Variants in DTNA observed in about 807,000 individuals in gnomAD.
DTNA encodes dystrophin-related protein 3.
A neutral mutation model predicts 100.7 loss-of-function variants in DTNA; 43 were observed. The observed-to-expected ratio is 0.43, with a 90% CI of 0.33 to 0.55. DTNA has a LOEUF of 0.55. Ranked by LOEUF, DTNA falls within the 20% of genes least tolerant of loss-of-function variation. The pLI is 0.04. For missense variants in DTNA, 798 were observed against 953.9 expected, an observed-to-expected ratio of 0.84 and a Z score of 2.15; for synonymous variants, 349 against 347.9, an observed-to-expected ratio of 1.00 and a Z score of -0.04.
At position 34,769,725 on chromosome 18, in the gene DTNA, C is replaced by CTTTTTTTTTTTTTTTTTTTTTT. The variant is rs61242937; in HGVS notation, c.148+3699_148+3700insTTTTTTTTTTTTTTTTTTTTTT. On this transcript the variant is annotated intron_variant, in intron 3 of 22. Coordinates refer to ENST00000444659, the MANE Select transcript of DTNA (RefSeq NM_001386795.1). The stretch of plus-strand genomic sequence containing the variant: ...GAAGAAGCAAGGCAGCCCTCTGGGG[C>CTTTTTTTTTTTTTTTTTTTTTT]TTTTTTTTTTTTTTTGACAGAGTTT... 7.1e-4 allele frequency among the ~76,000 whole-genome samples: 38 copies of CTTTTTTTTTTTTTTTTTTTTTT among 53,872 alleles called. 8 individuals carry two copies. The highest frequency in any genetic ancestry group is 1.2e-3 in the Admixed American group (4 of 3,300). The allele number at this position is 53,872 out of a possible 152,430, so 35.3% of individuals were successfully genotyped here. A position where few individuals can be genotyped will look rare whatever the true frequency, so the allele number is the denominator to read the frequency against.
At chr18:34,732,277 G>A (rs908978155) in intron 1 of DTNA, among the ~76,000 whole-genome samples, 1 of 152,096 alleles carries the variant, frequency 6.6e-6, no homozygotes, top group Non-Finnish European at 1.5e-5. Context: ...TAACTTTAGT[G>A]TTATAGCTTT....
At chr18:34,578,062 G>T (rs1469460378) in intron 1 of DTNA, among the ~76,000 whole-genome samples, 2 of 151,308 alleles carry the variant, frequency 1.3e-5, no homozygotes, top group Non-Finnish European at 2.9e-5. Context: ...CATAGTGGTT[G>T]TACTAGTTTA....
At chr18:34,660,748 C>G (rs2075069966) in intron 1 of DTNA, among the ~76,000 whole-genome samples, 1 of 152,148 alleles carries the variant, frequency 6.6e-6, no homozygotes, top group Admixed American at 6.6e-5. Flanking sequence ...GGTCTTTAGA[C>G]AATAACTTAA....
chr18:34,649,602 G>GA (rs1225141168), intron 1 of DTNA, among the ~76,000 whole-genome samples: 9 of 152,046 alleles, frequency 5.9e-5, no homozygotes, highest in African/African-American at 2.2e-4. Context: ...GCATTCTGGA[G>GA]AAAAAAATTG....
At chr18:34,825,909 T>C (rs2095849130) in intron 9 of DTNA, among the ~76,000 whole-genome samples, 1 of 152,168 alleles carries the variant, frequency 6.6e-6, no homozygotes, top group Non-Finnish European at 1.5e-5. Context: ...TGTTTTAAAA[T>C]CTAACAGACC....
At chr18:34,690,412 C>A (rs1175424007) in intron 1 of DTNA, among the ~76,000 whole-genome samples, 1 of 152,196 alleles carries the variant, frequency 6.6e-6, no homozygotes, top group African/African-American at 2.4e-5. Flanking sequence ...CTTGCGCTTC[C>A]CGGGTGAGGC....
intron 1 of DTNA, among the ~76,000 whole-genome samples, chr18:34,674,181 G>A (rs1234212930): frequency 6.6e-6 from 1 of 152,176 alleles, no homozygotes; most frequent in African/African-American, 2.4e-5. Flanking sequence ...CTTTCCTTGG[G>A]GCCCAGAATC....
intron 1 of DTNA, among the ~76,000 whole-genome samples, chr18:34,626,971 G>C (rs547205127): frequency 2.6e-5 from 4 of 152,232 alleles, no homozygotes; most frequent in Admixed American, 1.3e-4. Context: ...CATGCTCCTG[G>C]AGTCACATTA....
rs150254745 is a variant in DTNA at position 34,890,081 on chromosome 18, G to A, written c.*2347G>A. The A allele has an allele frequency of 5.1e-5, 70 of 1,374,390 alleles. No individual in the cohort carries two copies. The highest frequency in any genetic ancestry group is 6.4e-5 in the Non-Finnish European group (68 of 1,067,040). 85.1% of individuals were successfully genotyped at this position (1,374,390 alleles called of 1,614,324 possible). On this transcript the variant is annotated 3_prime_UTR_variant, in exon 23 of 23. Coordinates refer to ENST00000444659, the MANE Select transcript of DTNA (RefSeq NM_001386795.1). ...GTGGCACTCCACCACTGACTGGACC[G>A]AGCTGGCATATGTTGTTTCTTTGTG...
rs181062400 is a variant in DTNA, at chr18:34,844,733, G to A, written c.1347-3563G>A. ...TATATGCTATATGCTTTGGATCACA[G>A]TATTTTCTGGTTGACTACCCTAACT... On this transcript the variant is annotated intron_variant, in intron 13 of 22. Coordinates refer to ENST00000444659, the MANE Select transcript of DTNA (RefSeq NM_001386795.1). Among the ~76,000 whole-genome samples the A allele has an allele frequency of 5.9e-5, 9 of 152,248 alleles. No individual in the cohort carries two copies. The South Asian group carries it at 1.0e-3, about 18-fold the overall frequency.
rs2093332425 is a variant in DTNA at position 34,763,880 on chromosome 18, C to G, written c.68-2081C>G. 2.6e-5 allele frequency among the ~76,000 whole-genome samples: 4 copies of G among 152,128 alleles called. No individual in the cohort carries two copies. The South Asian group carries it at 8.3e-4, about 32-fold the overall frequency. On this transcript the variant is annotated intron_variant, in intron 2 of 22. Transcript: ENST00000444659. ...TGGCTGTGGAGTTGAACATCTTTTA[C>G]CCTAAAAAAAGTCAAGGAGAAGCTA... is the stretch of plus-strand genomic sequence containing the variant.
intron 1 of DTNA, among the ~76,000 whole-genome samples, chr18:34,719,107 C>T (rs2084702581): frequency 1.3e-5 from 2 of 152,054 alleles, no homozygotes; most frequent in South Asian, 4.2e-4. Context: ...GTGGGTGGAT[C>T]ACCTGAGGTC....
chr18:34,683,692 C>G (rs1471491209), intron 1 of DTNA: 1 of 152,144 alleles, frequency 6.6e-6, no homozygotes, highest in Non-Finnish European at 1.5e-5. Flanking sequence ...CTGGGAGACA[C>G]AGGTATGAGG....
At chr18:34,573,280 A>G (rs1319919485) in intron 1 of DTNA, among the ~76,000 whole-genome samples, 4 of 152,218 alleles carry the variant, frequency 2.6e-5, no homozygotes, top group African/African-American at 4.8e-5. Flanking sequence ...CACATAACAC[A>G]ACTTTAGGGC....
At chr18:34,681,466 A>G (rs771687650) in intron 1 of DTNA, among the ~76,000 whole-genome samples, 7 of 152,108 alleles carry the variant, frequency 4.6e-5, no homozygotes, top group African/African-American at 1.4e-4. Context: ...TAGATTACCA[A>G]TGCCCCCAGA....
At chr18:34,581,226 T>C (rs1437551698) in intron 1 of DTNA, among the ~76,000 whole-genome samples, 1 of 151,298 alleles carries the variant, frequency 6.6e-6, no homozygotes, top group Non-Finnish European at 1.5e-5. Flanking sequence ...CCAGCCTGGG[T>C]GACAGAGCGA....
intron 1 of DTNA, among the ~76,000 whole-genome samples, chr18:34,532,539 G>GT (rs1028625531): frequency 2.1e-4 from 31 of 150,838 alleles, no homozygotes; most frequent in South Asian, 1.1e-3. Context: ...TGTTGTTTTG[G>GT]TTTTTTTTTA....
intron 1 of DTNA, among the ~76,000 whole-genome samples, chr18:34,537,141 G>C (rs1259762583): frequency 6.6e-6 from 1 of 151,988 alleles, no homozygotes; most frequent in East Asian, 1.9e-4. Flanking sequence ...GGGCAAAACT[G>C]TGTCCTTTTT....
Position 34,879,706 on chromosome 18 carries a change from A to G in DTNA, c.2149A>G (p.Met717Val). Residue 717 changes from methionine to valine, a missense_variant, in exon 20 of 23, where the codon ATG becomes GTG. Transcript: ENST00000444659. ...YIHSGATTST[M>V]RGDMVTEDAD... Reference sequence around the variant, plus strand: ...TCACAGTGGAGCTACCACAAGTACCATGCGTGGCGACATGTGAGTATCTTC... The same window carrying G: ...TCACAGTGGAGCTACCACAAGTACCGTGCGTGGCGACATGTGAGTATCTTC... 1.2e-6 allele frequency: 2 copies of G among 1,614,130 alleles called. No homozygotes were observed. Among genetic ancestry groups the G allele is most frequent in the Non-Finnish European group, 1.7e-6 (2 of 1,179,994 alleles).
Sources: gnomAD v4.1 joint callset for allele counts (sites outside exome capture counted in the v4.1 genomes callset) on GRCh38, gnomAD v4.1.1 for gene constraint, MANE v1.5 for transcripts, NCBI Gene and HGNC (gene_info 2026-07-23, HGNC 2026-07-21) for gene names.